The following HMCN2 variants were observed in gnomAD, a reference collection of about 807,000 sequenced individuals.
HMCN2 encodes the protein hemicentin-2.
In HMCN2, 325 loss-of-function variants were observed where a neutral mutation model predicts 377.5. That is an observed-to-expected ratio of 0.86 (90% CI 0.79 to 0.94). HMCN2 has a LOEUF of 0.94. Ranked by LOEUF, HMCN2 falls within the 40% of genes least tolerant of loss-of-function variation. The pLI is 0.00. For missense variants in HMCN2, 4,543 were observed against 4,725.3 expected, an observed-to-expected ratio of 0.96 and a Z score of 1.13; for synonymous variants, 2,007 against 2,046.8, an observed-to-expected ratio of 0.98 and a Z score of 0.53.
intron 31 of HMCN2, among the ~76,000 whole-genome samples, chr9:130,354,057 G>A (rs1201509243): frequency 1.3e-5 from 2 of 152,158 alleles, no homozygotes; most frequent in African/African-American, 4.8e-5. Flanking sequence ...TTTGGGACCC[G>A]AGGTCCCCCA....
In HMCN2 at chr9:130,290,583, A is replaced by G. The variant is rs1431750943; in HGVS notation, c.613-4272A>G. Among the ~76,000 whole-genome samples, 3 of 152,154 alleles carry G rather than the reference A, an allele frequency of 2.0e-5. No homozygotes were observed. In the East Asian group the frequency reaches 5.8e-4, roughly 29 times the overall value. On this transcript the variant is annotated intron_variant, in intron 4 of 97. Coordinates refer to ENST00000683500, the MANE Select transcript of HMCN2 (RefSeq NM_001291815.2). The stretch of plus-strand genomic sequence containing the variant: ...TCTTTGCTGTTGGAGGAGTTGCCTC[A>G]CATGTTCGGCGGGCTTCTGTGGGCC...
At chr9:130,432,334 G>A in intron 96 of HMCN2, 95 bp from the exon 97 acceptor site, 1 of 1,153,622 alleles carries the variant, frequency 8.7e-7, no homozygotes, top group African/African-American at 1.5e-5. Flanking sequence ...CCACCTCACT[G>A]GTCCCCCAAA....
rs751984306 is a variant in HMCN2, at chr9:130,391,226, G to A, written c.9690G>A (p.Ser3230=). ...CAGTGGCCCCCCGGATCCGGAGCTC[G>A]GGCGTGGCGCGGGAGCACCATGTCT... ...AVLVAPRIRS[S]GVAREHHVLE... Residue 3230 remains serine (S), a synonymous_variant, in exon 64 of 98, where the codon TCG becomes TCA. Coordinates refer to ENST00000683500, the MANE Select transcript of HMCN2 (RefSeq NM_001291815.2). 5.1e-6 allele frequency: 5 copies of A among 987,760 alleles called. No homozygotes were observed. The African/African-American group carries it at 5.2e-5, about 10-fold the overall frequency. The allele number at this position is 987,760 out of a possible 1,614,324, so 61.2% of individuals were successfully genotyped here. A position where few individuals can be genotyped will look rare whatever the true frequency, so the allele number is the denominator to read the frequency against.
At chr9:130,431,278 G>C (rs897362418) in intron 95 of HMCN2, 89 bp from the exon 96 acceptor site, 2 of 1,314,840 alleles carry the variant, frequency 1.5e-6, no homozygotes, top group Non-Finnish European at 2.1e-6. Context: ...AGAGCCCAGC[G>C]GGCAGGTGTG....
chr9:130,429,399 T>G (rs963829889), intron 93 of HMCN2, 158 bp from the exon 94 acceptor site: 4 of 833,712 alleles, frequency 4.8e-6, no homozygotes, highest in Non-Finnish European at 7.5e-6. Context: ...CTGGTATAAC[T>G]GGGGGAGGTG....
rs1160433591 is a variant in HMCN2 at position 130,392,078 on chromosome 9, T to G, written c.10096T>G (p.Ser3366Ala). 1.0e-6 allele frequency: 1 copy of G among 988,318 alleles called. No individual in the cohort carries two copies. The highest frequency in any genetic ancestry group is 1.2e-6 in the Non-Finnish European group (1 of 830,548). The allele number at this position is 988,318 out of a possible 1,614,324, so 61.2% of individuals were successfully genotyped here. The change falls in exon 66 of 98, where the codon TCC becomes GCC. Residue 3366 changes from serine to alanine, a missense_variant. Coordinates refer to ENST00000683500, the MANE Select transcript of HMCN2 (RefSeq NM_001291815.2). ...CAAGGACGGCCTGCCCCTCCCGCTC[T>G]CCCAGCGCACCCTCCTCCACGGCTC... ...WLKDGLPLPL[S>A]QRTLLHGSGH...
intron 15 of HMCN2, among the ~76,000 whole-genome samples, chr9:130,318,298 A>G (rs1837673886): frequency 6.6e-6 from 1 of 152,134 alleles, no homozygotes; most frequent in Non-Finnish European, 1.5e-5. Context: ...ACAGATGGAA[A>G]GAACAAAGAG....
chr9:130,387,693 T>C (rs978561738), intron 61 of HMCN2, among the ~76,000 whole-genome samples: 3 of 152,166 alleles, frequency 2.0e-5, no homozygotes, highest in Admixed American at 6.5e-5. Context: ...ACACCAGCCA[T>C]CTGCCACAGA....
At position 130,398,125 on chromosome 9, in the gene HMCN2, C is replaced by T. The variant is rs187470007; in HGVS notation, c.11327-426C>T. Among the ~76,000 whole-genome samples, 203 of 127,928 alleles carry T rather than the reference C, an allele frequency of 1.6e-3. 1 individual carries two copies. Among genetic ancestry groups the T allele is most frequent in the African/African-American group, 5.2e-3 (165 of 31,836 alleles). The allele number at this position is 127,928 out of a possible 152,430, so 83.9% of individuals were successfully genotyped here. A position where few individuals can be genotyped will look rare whatever the true frequency, so the allele number is the denominator to read the frequency against. ...CCATGATCACGCCACTGCACTCCAG[C>T]CTGGGTGACAGAGTAAGACTCCGTC... On this transcript the variant is annotated intron_variant, in intron 74 of 97. Coordinates refer to ENST00000683500, the MANE Select transcript of HMCN2 (RefSeq NM_001291815.2).
Position 130,410,649 on chromosome 9 carries a change from C to T in HMCN2, c.12958C>T (p.Gln4320Ter). Reference protein sequence around the residue: ...VAKKVVILVLQSAPVFQVEPQ... With the variant: ...VAKKVVILVL Reference sequence around the variant, plus strand: ...GAAGAAAGTGGTGATCCTCGTCCTGCAGAGTGAGTCTCGGCCTCAGCAGAG... The same window carrying T: ...GAAGAAAGTGGTGATCCTCGTCCTGTAGAGTGAGTCTCGGCCTCAGCAGAG... Residue 4320 changes from glutamine to a stop codon, truncating the protein, a stop_gained, in exon 85 of 98, where the codon CAG (glutamine) becomes TAG (stop). Transcript: ENST00000683500. LOFTEE classifies it high-confidence loss of function. 1 of 1,550,522 alleles carries T rather than the reference C, an allele frequency of 6.4e-7. No homozygotes were observed. Among genetic ancestry groups the T allele is most frequent in the South Asian group, 1.2e-5 (1 of 84,058 alleles).
chr9:130,398,790 A>C, intron 75 of HMCN2, 83 bp downstream of exon 75: 2 of 1,139,140 alleles, frequency 1.8e-6, no homozygotes, highest in Non-Finnish European at 2.3e-6. Context: ...TGGGGCAGGG[A>C]CGGGGCGGGG....
intron 4 of HMCN2, among the ~76,000 whole-genome samples, chr9:130,286,713 G>A (rs1554927903): frequency 6.6e-6 from 1 of 152,244 alleles, no homozygotes; most frequent in African/African-American, 2.4e-5. Context: ...CCAGAGTCAG[G>A]GAACCTGCGG....
At chr9:130,380,648 G>A (rs562608863) in intron 54 of HMCN2, among the ~76,000 whole-genome samples, 31 of 152,094 alleles carry the variant, frequency 2.0e-4, no homozygotes, top group African/African-American at 6.5e-4. Context: ...CTAGCTGGGC[G>A]TGGTGGCATG....
In HMCN2 at chr9:130,359,401, C is replaced by A; in HGVS notation, c.5760C>A (p.Gly1920=). The A allele has an allele frequency of 7.7e-7, 1 of 1,301,716 alleles. No homozygotes were observed. Among genetic ancestry groups the A allele is most frequent in the South Asian group, 1.2e-5 (1 of 80,842 alleles). 80.6% of individuals were successfully genotyped at this position (1,301,716 alleles called of 1,614,324 possible). ...TGACCTTGGAGTGTCTGGCTTCGGG[C>A]GTGCCCCCTCCTGGTAAGACCCCTC... ...ASVTLECLAS[G]VPPPDVSWFK... The change falls in exon 37 of 98, where the codon GGC becomes GGA. Residue 1920 remains glycine, a synonymous_variant. Transcript: ENST00000683500.
chr9:130,267,127 A>G (rs1554919377), intron 1 of HMCN2, among the ~76,000 whole-genome samples: 2 of 151,690 alleles, frequency 1.3e-5, no homozygotes, highest in South Asian at 2.1e-4. Context: ...TAAATTTTTT[A>G]TAGACATGGA....
rs766578264 is a variant in HMCN2, at chr9:130,400,873, C to T, written c.11696C>T (p.Ala3899Val). 2 of 1,289,654 alleles carry T rather than the reference C, an allele frequency of 1.6e-6. No individual in the cohort carries two copies. Among genetic ancestry groups the T allele is most frequent in the South Asian group, 2.5e-5 (2 of 80,978 alleles). 79.9% of individuals were successfully genotyped at this position (1,289,654 alleles called of 1,614,324 possible). A position where few individuals can be genotyped will look rare whatever the true frequency, so the allele number is the denominator to read the frequency against. Reference sequence around the variant, plus strand: ...ACATGTCACAGCACGGGTATACCAGCTCCGACCGTGTCCTGGAGCAAGGCA... The same window carrying T: ...ACATGTCACAGCACGGGTATACCAGTTCCGACCGTGTCCTGGAGCAAGGCA... ...VLTCHSTGIP[A>V]PTVSWSKAGA... The change falls in exon 77 of 98, where the codon GCT becomes GTT. Residue 3899 changes from alanine (A) to valine (V), a missense_variant. This residue lies in a region of HMCN2 where 1,073 missense variants were observed against 1,319.5 expected (regional missense o/e 0.81). Transcript: ENST00000683500.
Position 130,431,355 on chromosome 9 carries a change from TGCCCG to T in HMCN2, c.14648-10_14648-6del, listed in dbSNP as rs1844743190. On this transcript the variant is annotated splice_polypyrimidine_tract_variant and splice_region_variant and intron_variant, in intron 95 of 97. Coordinates refer to ENST00000683500, the MANE Select transcript of HMCN2 (RefSeq NM_001291815.2). ...CCATCCCCCACCTGCCCCACCCCCA[TGCCCG>T]GGCCAGACCTTGACGAGTGCCGCGT... The T allele has an allele frequency of 6.6e-7, 1 of 1,513,900 alleles. No homozygotes were observed. Among genetic ancestry groups the T allele is most frequent in the African/African-American group, 1.4e-5 (1 of 72,504 alleles). 93.8% of individuals were successfully genotyped at this position (1,513,900 alleles called of 1,614,324 possible).
At chr9:130,381,742 C>A (rs986865340) in intron 54 of HMCN2, among the ~76,000 whole-genome samples, 1 of 151,822 alleles carries the variant, frequency 6.6e-6, no homozygotes, top group South Asian at 2.1e-4. Context: ...CCTACTTCTA[C>A]CCCCGCCAAC....
intron 21 of HMCN2, among the ~76,000 whole-genome samples, 190 bp from the exon 22 acceptor site, chr9:130,327,120 C>G (rs1838178717): frequency 6.6e-6 from 1 of 152,054 alleles, no homozygotes; most frequent in Admixed American, 6.5e-5. Context: ...AGTGAAAACC[C>G]TGGGACCTGA....
Sources: gnomAD v4.1 joint callset for allele counts (sites outside exome capture counted in the v4.1 genomes callset) on GRCh38, gnomAD v4.1.1 for gene constraint, gnomAD v4.1.1 regional missense constraint, MANE v1.5 for transcripts, NCBI Gene and HGNC (gene_info 2026-07-23, HGNC 2026-07-21) for gene names.